The following ZBTB7C variants were observed in gnomAD, a reference collection of about 807,000 sequenced individuals.
ZBTB7C encodes the protein zinc finger and BTB domain-containing protein 7C.
Under a neutral mutation model 25.7 loss-of-function variants are expected in ZBTB7C, and 8 were observed. The observed-to-expected ratio is 0.31, with a 90% confidence interval of 0.18 to 0.56. The LOEUF (loss-of-function observed/expected upper bound fraction) is 0.56, where lower values mean the gene tolerates loss of function less well. ZBTB7C is among the 20% of genes least tolerant of loss of function. The probability of loss-of-function intolerance (pLI) is 0.91; values close to 1 mark genes in which losing one functional copy is unlikely to be tolerated. For synonymous variants in ZBTB7C, 394 were observed against 369.0 expected, an observed-to-expected ratio of 1.07 and a Z score of -0.78; for missense variants, 824 against 855.2, an observed-to-expected ratio of 0.96 and a Z score of 0.46.
At chr18:48,245,518 A>ATGTTATATAC (rs5824739) in intron 2 of ZBTB7C, among the ~76,000 whole-genome samples, 137,491 of 145,256 alleles carry the variant, frequency 0.95, 65,204 homozygotes, top group East Asian at 1. Flanking sequence ...GAAAAAATGA[A>ATGTTATATAC]TTTTCTATGG....
chr18:48,371,411 T>A (rs1054573100), intron 1 of ZBTB7C, among the ~76,000 whole-genome samples: 93 of 152,120 alleles, frequency 6.1e-4, no homozygotes, highest in African/African-American at 2.2e-3. Flanking sequence ...CCACCCAACT[T>A]ACAGAAAGGG....
intron 3 of ZBTB7C, among the ~76,000 whole-genome samples, chr18:48,092,034 T>C (rs1042432010): frequency 6.6e-6 from 1 of 152,188 alleles, no homozygotes; most frequent in Non-Finnish European, 1.5e-5. Context: ...TGTGGCAGCA[T>C]AGATTCTATG....
At chr18:48,185,368 C>T in intron 3 of ZBTB7C, 1 of 431,924 alleles carries the variant, frequency 2.3e-6, no homozygotes, top group South Asian at 1.7e-5. Context: ...TCTTCTCTTC[C>T]TGAACTGGAC....
chr18:48,302,388 T>A (rs951398139), intron 2 of ZBTB7C, among the ~76,000 whole-genome samples: 18 of 152,190 alleles, frequency 1.2e-4, no homozygotes, highest in Non-Finnish European at 2.1e-4. Flanking sequence ...CTCTCCCTTT[T>A]TACTGCAATT....
intron 2 of ZBTB7C, among the ~76,000 whole-genome samples, chr18:48,256,018 C>T (rs969055988): frequency 1.2e-4 from 19 of 152,096 alleles, no homozygotes; most frequent in African/African-American, 4.6e-4. Flanking sequence ...GGGACAACTT[C>T]AAGCAGCTTG....
intron 3 of ZBTB7C, chr18:48,137,474 G>C: frequency 4.1e-6 from 1 of 245,732 alleles, no homozygotes; most frequent in Non-Finnish European, 6.5e-6. Context: ...CTCAAAGCAA[G>C]GGAGGCTTTT....
At chr18:48,047,135 T>C (rs2036506017) in intron 3 of ZBTB7C, among the ~76,000 whole-genome samples, 1 of 152,108 alleles carries the variant, frequency 6.6e-6, no homozygotes. Flanking sequence ...TTCATTGTCT[T>C]TTTGGGAAGA....
intron 3 of ZBTB7C, among the ~76,000 whole-genome samples, chr18:48,057,400 G>T (rs1281958260): frequency 6.6e-6 from 1 of 152,100 alleles, no homozygotes; most frequent in Non-Finnish European, 1.5e-5. Flanking sequence ...CCATTAAAAA[G>T]AATGAGGCAT....
intron 2 of ZBTB7C, among the ~76,000 whole-genome samples, chr18:48,253,386 T>C (rs1057234256): frequency 2.0e-5 from 3 of 152,146 alleles, no homozygotes; most frequent in Admixed American, 6.5e-5. Flanking sequence ...ATTAAAATAC[T>C]AGACAATATA....
intron 1 of ZBTB7C, among the ~76,000 whole-genome samples, chr18:48,374,668 C>G (rs529503199): frequency 6.6e-6 from 1 of 152,358 alleles, no homozygotes; most frequent in South Asian, 2.1e-4. Flanking sequence ...TGTTCACCAG[C>G]CTGGTATTAC....
intron 3 of ZBTB7C, among the ~76,000 whole-genome samples, chr18:48,068,939 G>C (rs2037438976): frequency 6.6e-6 from 1 of 152,184 alleles, no homozygotes; most frequent in African/African-American, 2.4e-5. Flanking sequence ...GAAACCAGCA[G>C]GACCCCATGA....
chr18:48,086,670 T>C (rs1234015362), intron 3 of ZBTB7C, among the ~76,000 whole-genome samples: 2 of 152,210 alleles, frequency 1.3e-5, no homozygotes, highest in African/African-American at 4.8e-5. Flanking sequence ...TGCAGATGCA[T>C]GTGAACTTTA....
intron 2 of ZBTB7C, among the ~76,000 whole-genome samples, chr18:48,317,020 C>T (rs960511682): frequency 3.3e-5 from 5 of 152,210 alleles, no homozygotes; most frequent in Admixed American, 2.6e-4. Context: ...CGCCTGTAAT[C>T]CCAACATTTT....
intron 2 of ZBTB7C, among the ~76,000 whole-genome samples, chr18:48,231,605 G>T (rs2043253851): frequency 6.6e-6 from 1 of 152,202 alleles, no homozygotes; most frequent in African/African-American, 2.4e-5. Flanking sequence ...GCCTTCACTT[G>T]TCCACGTACT....
At chr18:48,127,644 C>G (rs1598929795) in intron 3 of ZBTB7C, among the ~76,000 whole-genome samples, 2 of 152,234 alleles carry the variant, frequency 1.3e-5, no homozygotes, top group African/African-American at 2.4e-5. Flanking sequence ...CCCCTCGGTT[C>G]TCCCCACGTG....
At chr18:48,241,945 C>T (rs1052491897) in intron 2 of ZBTB7C, among the ~76,000 whole-genome samples, 1 of 151,734 alleles carries the variant, frequency 6.6e-6, no homozygotes, top group African/African-American at 2.4e-5. Context: ...ATTGAAAGAC[C>T]ATTAGCAAGA....
intron 1 of ZBTB7C, among the ~76,000 whole-genome samples, chr18:48,356,101 C>G (rs751112412): frequency 6.6e-6 from 1 of 152,168 alleles, no homozygotes; most frequent in Non-Finnish European, 1.5e-5. Context: ...AACTCCGATG[C>G]GCATGAGGCT....
intron 1 of ZBTB7C, among the ~76,000 whole-genome samples, chr18:48,397,434 G>A (rs547460858): frequency 3.9e-5 from 6 of 152,298 alleles, no homozygotes; most frequent in African/African-American, 1.4e-4. Context: ...AGGTGCAATA[G>A]AGAGAATTTG....
At chr18:48,362,403 G>T (rs918640239) in intron 1 of ZBTB7C, among the ~76,000 whole-genome samples, 3 of 152,236 alleles carry the variant, frequency 2.0e-5, no homozygotes, top group Non-Finnish European at 4.4e-5. Context: ...GGTCACGAAG[G>T]TGGAGCTTTC....
Sources: gnomAD v4.1 joint callset for allele counts (sites outside exome capture counted in the v4.1 genomes callset) on GRCh38, gnomAD v4.1.1 for gene constraint, MANE v1.5 for transcripts, NCBI Gene and HGNC (gene_info 2026-07-23, HGNC 2026-07-21) for gene names.